The following SNX10 variants were observed in gnomAD, a reference collection of about 807,000 sequenced individuals.
SNX10 encodes sorting nexin 10.
SNX10 carries 25 observed loss-of-function variants against 28.5 expected under a neutral mutation model. The observed-to-expected ratio is 0.88, with a 90% confidence interval of 0.64 to 1.22. The LOEUF is 1.22. Ranked by LOEUF, SNX10 falls within the 50% of genes most tolerant of loss-of-function variation. The pLI is 0.00. For synonymous variants in SNX10, 62 were observed against 81.4 expected, an observed-to-expected ratio of 0.76 and a Z score of 1.28; for missense variants, 223 against 242.6, an observed-to-expected ratio of 0.92 and a Z score of 0.54.
chr7:26,357,964 G>A (rs7798433), intron 2 of SNX10, among the ~76,000 whole-genome samples: 7,595 of 152,106 alleles, frequency 0.05, 333 homozygotes, highest in East Asian at 0.2. Context: ...CTCATGGGAG[G>A]GGGTTGAATG....
rs140695452 is a variant in SNX10, at chr7:26,314,344, G to T, written c.-24+22258G>T. On this transcript the variant is annotated intron_variant, in intron 1 of 6. Coordinates refer to ENST00000338523, the MANE Select transcript of SNX10 (RefSeq NM_013322.3). ...GGTATCTCAGCTCACTGCAACCTCT[G>T]CCTCCATTCAAACGATTCTCCTGCC... Among the ~76,000 whole-genome samples, 1,222 of 150,612 alleles carry T rather than the reference G, an allele frequency of 8.1e-3. 16 individuals are homozygous for T. Among genetic ancestry groups the T allele is most frequent in the African/African-American group, 0.028 (1,151 of 41,028 alleles).
rs1788388912 is a variant in SNX10, at chr7:26,346,409, T to G, written c.-23-11T>G. 1 of 1,589,956 alleles carries G rather than the reference T, an allele frequency of 6.3e-7. No homozygotes were observed. The highest frequency in any genetic ancestry group is 1.3e-5 in the African/African-American group (1 of 74,442). On this transcript the variant is annotated splice_polypyrimidine_tract_variant and intron_variant, in intron 1 of 6. Transcript: ENST00000338523. ...TTCCAAATGACCCAGTGTGGATATC[T>G]TATTTTTCAGATTGATCGTGTCCTG...
intron 1 of SNX10, among the ~76,000 whole-genome samples, chr7:26,295,722 A>G (rs1398637425): frequency 6.6e-6 from 1 of 152,220 alleles, no homozygotes; most frequent in African/African-American, 2.4e-5. Context: ...GCATGAGGCC[A>G]GCAAAGCTGC....
Position 26,364,940 on chromosome 7 carries a change from G to C in SNX10, c.213-107G>C, listed in dbSNP as rs901704594. The C allele has an allele frequency of 6.0e-6, 4 of 663,548 alleles. No homozygotes were observed. Among genetic ancestry groups the C allele is most frequent in the Non-Finnish European group, 1.1e-5 (4 of 365,010 alleles). The allele number at this position is 663,548 out of a possible 1,614,324, so 41.1% of individuals were successfully genotyped here. On this transcript the variant is annotated intron_variant, in intron 4 of 6. Transcript: ENST00000338523. This position sits in a 1 kb window ranked among gnomAD's most constrained non-coding sequence, Gnocchi z 4.9. ...GTATAATCATAATTATAGAATAACTGTGTGATAATAATCATCATACATAAT... is the reference window on the plus strand; with the variant it reads ...GTATAATCATAATTATAGAATAACTCTGTGATAATAATCATCATACATAAT...
At chr7:26,351,655 T>G (rs893712282) in intron 2 of SNX10, among the ~76,000 whole-genome samples, 7 of 74,334 alleles carry the variant, frequency 9.4e-5, no homozygotes, top group South Asian at 8.9e-4. Context: ...GGTTTTTTTT[T>G]TTTGTTTTTT....
chr7:26,367,338 C>G (rs1464988482), intron 5 of SNX10, among the ~76,000 whole-genome samples: 2 of 152,196 alleles, frequency 1.3e-5, no homozygotes, highest in African/African-American at 4.8e-5. Flanking sequence ...AGGGCTACGG[C>G]TAGATTCATT....
intron 3 of SNX10, among the ~76,000 whole-genome samples, chr7:26,362,966 G>C (rs1380217040): frequency 6.6e-6 from 1 of 152,154 alleles, no homozygotes; most frequent in Non-Finnish European, 1.5e-5. Context: ...AAATTAAAGG[G>C]AATTTAAATG....
At chr7:26,317,984 C>G (rs1787156948) in intron 1 of SNX10, among the ~76,000 whole-genome samples, 1 of 151,938 alleles carries the variant, frequency 6.6e-6, no homozygotes. Flanking sequence ...TCTAATAGGC[C>G]AAATGTCTTC....
chr7:26,371,558 T>C (rs541421384), intron 5 of SNX10, among the ~76,000 whole-genome samples: 2 of 152,178 alleles, frequency 1.3e-5, no homozygotes, highest in Non-Finnish European at 2.9e-5. Context: ...GATGGGTAAA[T>C]TGAAGAAATG....
At chr7:26,320,870 CCT>C (rs2128000272) in intron 1 of SNX10, among the ~76,000 whole-genome samples, 1 of 152,332 alleles carries the variant, frequency 6.6e-6, no homozygotes, top group South Asian at 2.1e-4. Context: ...TACAGATTCA[CCT>C]CTTTCCTTTG....
chr7:26,347,722 C>T (rs375350146), intron 2 of SNX10, among the ~76,000 whole-genome samples: 26 of 152,024 alleles, frequency 1.7e-4, no homozygotes, highest in African/African-American at 6.0e-4. Context: ...TAGTGGCATG[C>T]GTCTGTAGTT....
chr7:26,297,355 A>G (rs553588545), intron 1 of SNX10, among the ~76,000 whole-genome samples: 4 of 152,290 alleles, frequency 2.6e-5, no homozygotes, highest in African/African-American at 7.2e-5. Context: ...CGGCCTCCCA[A>G]AGTGCTGGGA....
chr7:26,348,111 C>A (rs12532454), intron 2 of SNX10, among the ~76,000 whole-genome samples: 56,257 of 151,928 alleles, frequency 0.37, 11,000 homozygotes, highest in South Asian at 0.61. Flanking sequence ...GTGTAACTAC[C>A]ACTCAGATCA....
chr7:26,344,322 A>G (rs918874879), intron 1 of SNX10, among the ~76,000 whole-genome samples: 1 of 151,846 alleles, frequency 6.6e-6, no homozygotes, highest in Non-Finnish European at 1.5e-5. Context: ...CGGGCGTGCC[A>G]TGACTCCCGG....
intron 2 of SNX10, among the ~76,000 whole-genome samples, chr7:26,359,500 A>T (rs1180136786): frequency 6.6e-6 from 1 of 151,774 alleles, no homozygotes; most frequent in Non-Finnish European, 1.5e-5. Flanking sequence ...AATCTTATCA[A>T]AAAGCTCTAA....
At chr7:26,296,629 A>T (rs1254468863) in intron 1 of SNX10, among the ~76,000 whole-genome samples, 1 of 152,270 alleles carries the variant, frequency 6.6e-6, no homozygotes, top group Non-Finnish European at 1.5e-5. Context: ...TGATAATAAT[A>T]AAGCTTACCT....
rs767276071 is a variant in SNX10 at position 26,372,013 on chromosome 7, T to C, written c.504T>C (p.Asp168=). ...EEDEEGKKEN[D]IDYDSESSSS... ...ATGAAGAAGGAAAAAAAGAAAATGA[T>C]ATAGATTATGATTCAGAAAGGTATT... Residue 168 remains aspartate, a synonymous_variant, in exon 6 of 7, where the codon GAT becomes GAC. Transcript: ENST00000338523. 79 of 1,605,818 alleles carry C rather than the reference T, an allele frequency of 4.9e-5. No homozygotes were observed. In the East Asian group the frequency reaches 6.9e-4, roughly 14 times the overall value.
Position 26,361,725 on chromosome 7 carries a change from C to G in SNX10, c.111+664C>G, listed in dbSNP as rs113689423. Among the ~76,000 whole-genome samples, 116 of 152,290 alleles carry G rather than the reference C, an allele frequency of 7.6e-4. 1 individual carries two copies. Among genetic ancestry groups the G allele is most frequent in the African/African-American group, 2.8e-3 (115 of 41,552 alleles). On this transcript the variant is annotated intron_variant, in intron 3 of 6. Coordinates refer to ENST00000338523, the MANE Select transcript of SNX10 (RefSeq NM_013322.3). Reference sequence around the variant, plus strand: ...CCATACAGTTTCTGTCGAGACTACTCATTTCTGCTGTTGCAGGTGAAAAGC... The same window carrying G: ...CCATACAGTTTCTGTCGAGACTACTGATTTCTGCTGTTGCAGGTGAAAAGC...
At position 26,320,051 on chromosome 7, in the gene SNX10, G is replaced by A. The variant is rs1268710705; in HGVS notation, c.-23-26369G>A. 2.7e-5 allele frequency among the ~76,000 whole-genome samples: 4 copies of A among 149,170 alleles called. No individual in the cohort carries two copies. In the East Asian group the frequency reaches 6.0e-4, roughly 23 times the overall value. On this transcript the variant is annotated intron_variant, in intron 1 of 6. Transcript: ENST00000338523. Reference sequence around the variant, plus strand: ...GGCCAGAGTGCAGTGGTGCAATCTCGGCTCACTGCAACCTCCACCTCCCGG... The same window carrying A: ...GGCCAGAGTGCAGTGGTGCAATCTCAGCTCACTGCAACCTCCACCTCCCGG...
Sources: gnomAD v4.1 joint callset for allele counts (sites outside exome capture counted in the v4.1 genomes callset) on GRCh38, gnomAD v4.1.1 for gene constraint, Gnocchi (gnomAD v3.1) non-coding constraint, MANE v1.5 for transcripts, NCBI Gene and HGNC (gene_info 2026-07-23, HGNC 2026-07-21) for gene names.